Variants in ITPR2 observed in about 807,000 individuals in gnomAD.
ITPR2 encodes the protein inositol 1,4,5-trisphosphate receptor type 2.
ITPR2 carries 207 observed loss-of-function variants against 317.1 expected under a neutral mutation model. The observed-to-expected ratio is 0.65, with a 90% CI of 0.58 to 0.73. The LOEUF is 0.73. Ranked by LOEUF, ITPR2 falls within the 30% of genes least tolerant of loss-of-function variation. The pLI, the probability that ITPR2 is intolerant of heterozygous loss-of-function variation, is 0.00. For synonymous variants in ITPR2, 1,156 were observed against 1,149.1 expected, an observed-to-expected ratio of 1.01 and a Z score of -0.12; for missense variants, 2,613 against 3,284.0, an observed-to-expected ratio of 0.80 and a Z score of 4.99.
At chr12:26,794,076 T>C (rs1349760081) in intron 1 of ITPR2, among the ~76,000 whole-genome samples, 1 of 152,182 alleles carries the variant, frequency 6.6e-6, no homozygotes, top group African/African-American at 2.4e-5. Flanking sequence ...CTATCTTCTC[T>C]TCATAAGGTC....
At chr12:26,748,251 G>C (rs1420033068) in intron 2 of ITPR2, among the ~76,000 whole-genome samples, 4 of 152,014 alleles carry the variant, frequency 2.6e-5, no homozygotes, top group African/African-American at 9.7e-5. Flanking sequence ...TAGAGACAGG[G>C]TTTCATCGTG....
intron 37 of ITPR2, among the ~76,000 whole-genome samples, chr12:26,527,372 T>C (rs1227600980): frequency 2.0e-5 from 3 of 152,220 alleles, no homozygotes; most frequent in Admixed American, 6.5e-5. Flanking sequence ...GATGATAGAA[T>C]GCCTAAAAGT....
At chr12:26,603,368 T>TA (rs1338503220) in intron 26 of ITPR2, among the ~76,000 whole-genome samples, 3 of 152,226 alleles carry the variant, frequency 2.0e-5, no homozygotes, top group Non-Finnish European at 4.4e-5. Flanking sequence ...CTATTATCTG[T>TA]AGTATCACAA....
intron 2 of ITPR2, among the ~76,000 whole-genome samples, chr12:26,756,266 C>A (rs561871489): frequency 6.6e-6 from 1 of 152,096 alleles, no homozygotes; most frequent in African/African-American, 2.4e-5. Flanking sequence ...CTTAGGCTAA[C>A]GCTGCTTATT....
At chr12:26,529,141 A>C (rs1943886188) in intron 37 of ITPR2, among the ~76,000 whole-genome samples, 1 of 152,204 alleles carries the variant, frequency 6.6e-6, no homozygotes, top group Admixed American at 6.5e-5. Context: ...CTCTACACTT[A>C]AGCTGACACA....
intron 1 of ITPR2, among the ~76,000 whole-genome samples, chr12:26,816,577 T>C (rs1950857452): frequency 6.6e-6 from 1 of 152,244 alleles, no homozygotes; most frequent in Non-Finnish European, 1.5e-5. Context: ...ACATGATTAT[T>C]AGCAAAGCCA....
chr12:26,712,821 T>C (rs932282855), intron 8 of ITPR2, among the ~76,000 whole-genome samples: 14 of 152,192 alleles, frequency 9.2e-5, no homozygotes, highest in African/African-American at 3.1e-4. Context: ...AGGGAGGGTG[T>C]TTTTGTTTAT....
chr12:26,403,205 T>C (rs1039478946), intron 52 of ITPR2, among the ~76,000 whole-genome samples: 2 of 152,002 alleles, frequency 1.3e-5, no homozygotes, highest in African/African-American at 4.8e-5. Flanking sequence ...ATGCGGGGTG[T>C]TTTGGGAAAC....
intron 19 of ITPR2, 72 bp from the exon 20 acceptor site, chr12:26,655,924 G>GTGT: frequency 2.2e-6 from 3 of 1,387,970 alleles, no homozygotes; most frequent in East Asian, 2.3e-5. Context: ...AACACACGTA[G>GTGT]TTTCCTGGGT....
At chr12:26,389,569 T>C (rs1939771109) in intron 54 of ITPR2, among the ~76,000 whole-genome samples, 1 of 151,996 alleles carries the variant, frequency 6.6e-6, no homozygotes, top group Non-Finnish European at 1.5e-5. Context: ...AAAACTCTTC[T>C]CACTGACATC....
At chr12:26,729,294 C>A (rs1210744546) in intron 2 of ITPR2, among the ~76,000 whole-genome samples, 2 of 152,142 alleles carry the variant, frequency 1.3e-5, no homozygotes, top group South Asian at 2.1e-4. Context: ...ATGGCTACTA[C>A]TAAAGAGTCA....
intron 54 of ITPR2, among the ~76,000 whole-genome samples, chr12:26,390,737 T>C (rs1296183057): frequency 6.6e-6 from 1 of 152,146 alleles, no homozygotes; most frequent in East Asian, 1.9e-4. Flanking sequence ...AATTATATGA[T>C]GTGTGAATTA....
intron 37 of ITPR2, among the ~76,000 whole-genome samples, chr12:26,496,776 T>C (rs1456574120): frequency 6.6e-6 from 1 of 151,890 alleles, no homozygotes; most frequent in Non-Finnish European, 1.5e-5. Context: ...ACCCCGTCTG[T>C]ACTAAAAATA....
At chr12:26,577,678 T>C (rs962905133) in intron 34 of ITPR2, among the ~76,000 whole-genome samples, 2 of 152,234 alleles carry the variant, frequency 1.3e-5, no homozygotes, top group African/African-American at 4.8e-5. Context: ...TCTTGGGTTA[T>C]AACTGCCTTT....
intron 2 of ITPR2, among the ~76,000 whole-genome samples, chr12:26,744,036 C>T (rs879595442): frequency 1.3e-5 from 2 of 152,246 alleles, no homozygotes; most frequent in African/African-American, 2.4e-5. Context: ...GCTGCAGCAA[C>T]AGTCTACTAA....
chr12:26,378,763 C>T (rs1474151539), intron 55 of ITPR2, among the ~76,000 whole-genome samples: 1 of 152,188 alleles, frequency 6.6e-6, no homozygotes, highest in Non-Finnish European at 1.5e-5. Flanking sequence ...GCCTCTTTTT[C>T]TTTCTCGCCT....
intron 45 of ITPR2, among the ~76,000 whole-genome samples, chr12:26,446,907 C>T (rs983717276): frequency 6.6e-6 from 1 of 151,666 alleles, no homozygotes; most frequent in Non-Finnish European, 1.5e-5. Flanking sequence ...TTTTTTTCTA[C>T]CTGGAAATCT....
rs759190679 is a variant in ITPR2, at chr12:26,597,146, A to G, written c.4003-12T>C. The G allele has an allele frequency of 1.2e-6, 2 of 1,613,348 alleles. No individual in the cohort carries two copies. Among genetic ancestry groups the G allele is most frequent in the Non-Finnish European group, 1.7e-6 (2 of 1,179,882 alleles). On this transcript the variant is annotated splice_polypyrimidine_tract_variant and intron_variant, in intron 30 of 56. Coordinates refer to ENST00000381340, the MANE Select transcript of ITPR2 (RefSeq NM_002223.4). ...CCCCCATTTATCAACTGAAATGATAATAAGAGAGTCTATGTAGCAGTCCGA... is the reference window on the plus strand; with the variant it reads ...CCCCCATTTATCAACTGAAATGATAGTAAGAGAGTCTATGTAGCAGTCCGA...
At chr12:26,468,284 G>T (rs925616845) in intron 45 of ITPR2, among the ~76,000 whole-genome samples, 2 of 152,112 alleles carry the variant, frequency 1.3e-5, no homozygotes. Flanking sequence ...AATAAGAAAA[G>T]TGCCTAGCAA....
Sources: allele counts gnomAD v4.1 joint callset (sites outside exome capture counted in the v4.1 genomes callset), GRCh38; gene constraint gnomAD v4.1.1; transcripts MANE v1.5; gene names NCBI Gene and HGNC (gene_info 2026-07-23, HGNC 2026-07-21).